JAK1: variants seen among roughly 807,000 people sequenced by gnomAD.
JAK1 encodes tyrosine-protein kinase JAK1.
JAK1 carries 16 observed loss-of-function variants against 136.6 expected under a neutral mutation model. The observed-to-expected ratio is 0.12, with a 90% CI of 0.08 to 0.18. The LOEUF is 0.18. JAK1 is among the 10% of genes least tolerant of loss of function. JAK1 has a pLI of 1.00. For missense variants in JAK1, 859 were observed against 1,450.1 expected, an observed-to-expected ratio of 0.59 and a Z score of 6.62; for synonymous variants, 492 against 519.5, an observed-to-expected ratio of 0.95 and a Z score of 0.72.
chr1:65,026,057 T>C (rs976471464), intron 2 of JAK1, among the ~76,000 whole-genome samples: 2 of 152,132 alleles, frequency 1.3e-5, no homozygotes, highest in Non-Finnish European at 2.9e-5. Flanking sequence ...TCTAGAAATA[T>C]AAACCTGTAA....
intron 17 of JAK1, among the ~76,000 whole-genome samples, chr1:64,843,330 G>T (rs1425349063): frequency 6.6e-6 from 1 of 152,204 alleles, no homozygotes; most frequent in African/African-American, 2.4e-5. Flanking sequence ...CAGTCACTGA[G>T]ATGAAGGGAC....
intron 1 of JAK1, among the ~76,000 whole-genome samples, chr1:64,962,092 T>C (rs1400889746): frequency 6.6e-6 from 1 of 152,226 alleles, no homozygotes; most frequent in East Asian, 1.9e-4. Flanking sequence ...CTCTTTTACA[T>C]GCATATAGTC....
intron 20 of JAK1, 161 bp downstream of exon 20, chr1:64,839,442 G>T: frequency 1.7e-6 from 1 of 600,772 alleles, no homozygotes. Flanking sequence ...AGCTGCTGAG[G>T]GATTTGACAT....
At chr1:64,896,976 T>C (rs1284130580) in intron 1 of JAK1, among the ~76,000 whole-genome samples, 4 of 152,166 alleles carry the variant, frequency 2.6e-5, no homozygotes, top group Non-Finnish European at 5.9e-5. Context: ...TTTTAAACTC[T>C]TGGAAAAATA....
intron 2 of JAK1, among the ~76,000 whole-genome samples, chr1:64,975,641 TG>T (rs1391712953): frequency 6.6e-6 from 1 of 152,242 alleles, no homozygotes; most frequent in African/African-American, 2.4e-5. Flanking sequence ...CAAGTCCTGA[TG>T]TTTTTTTGAG....
chr1:65,050,799 T>C (rs1288048103), intron 1 of JAK1, among the ~76,000 whole-genome samples: 1 of 152,186 alleles, frequency 6.6e-6, no homozygotes, highest in African/African-American at 2.4e-5. Flanking sequence ...ATCAACATAA[T>C]ATTAACTTCT....
chr1:65,041,766 C>T (rs1483807305), intron 2 of JAK1, among the ~76,000 whole-genome samples: 5 of 152,154 alleles, frequency 3.3e-5, no homozygotes, highest in African/African-American at 1.2e-4. Flanking sequence ...GGGCTGGGCA[C>T]GGTGGCTCAC....
chr1:64,910,198 C>T (rs1557683503), intron 1 of JAK1, among the ~76,000 whole-genome samples: 1 of 152,076 alleles, frequency 6.6e-6, no homozygotes, highest in Non-Finnish European at 1.5e-5. Flanking sequence ...AACAGAAATA[C>T]GTATTTTTAA....
intron 1 of JAK1, among the ~76,000 whole-genome samples, chr1:64,921,532 AG>A (rs1645494083): frequency 6.6e-6 from 1 of 152,140 alleles, no homozygotes; most frequent in Non-Finnish European, 1.5e-5. Context: ...ATCATTTTAC[AG>A]ATAAAGAAAC....
chr1:64,986,113 T>G, intron 2 of JAK1: 1 of 818,892 alleles, frequency 1.2e-6, no homozygotes, highest in South Asian at 1.5e-5. Context: ...CTAATTGTTT[T>G]TTTTTTTTTT....
At chr1:65,011,229 A>C (rs1368822047) in intron 2 of JAK1, among the ~76,000 whole-genome samples, 1 of 152,138 alleles carries the variant, frequency 6.6e-6, no homozygotes, top group East Asian at 1.9e-4. Context: ...TAATCTCAGC[A>C]CTTTAGCAGG....
At chr1:65,038,932 C>CCAGTCTTGT (rs1647102556) in intron 2 of JAK1, among the ~76,000 whole-genome samples, 1 of 118,096 alleles carries the variant, frequency 8.5e-6, no homozygotes, top group Non-Finnish European at 1.8e-5. Flanking sequence ...GCCACCGCAC[C>CCAGTCTTGT]CAGTCTTGTG....
chr1:64,891,578 C>T (rs1327806951), intron 1 of JAK1, among the ~76,000 whole-genome samples: 2 of 152,076 alleles, frequency 1.3e-5, no homozygotes, highest in East Asian at 3.9e-4. Context: ...TCCTAACAGC[C>T]TAACCTACAC....
chr1:64,920,861 G>A (rs1299826458), intron 1 of JAK1, among the ~76,000 whole-genome samples: 1 of 152,164 alleles, frequency 6.6e-6, no homozygotes, highest in Non-Finnish European at 1.5e-5. Context: ...TAAGTATCAA[G>A]GCAGTACACA....
rs34009555 is a variant in JAK1, at chr1:65,013,095, CA to C, written c.-78+31384del. Among the ~76,000 whole-genome samples the C allele has an allele frequency of 6.4e-3, 287 of 44,920 alleles. 1 individual carries two copies. The highest frequency in any genetic ancestry group is 0.02 in the African/African-American group (232 of 11,690). The allele number at this position is 44,920 out of a possible 152,430, so 29.5% of individuals were successfully genotyped here. ...TGGGTGACAGAGCAACACTCCGTCT[CA>C]AAAAAAAAAAAAAAAAAAGGCCGGT... On this transcript the variant is annotated intron_variant, in intron 2 of 25. Coordinates refer to the JAK1 transcript ENST00000671954.
At chr1:64,998,731 A>G (rs1052015461) in intron 2 of JAK1, among the ~76,000 whole-genome samples, 10 of 152,120 alleles carry the variant, frequency 6.6e-5, no homozygotes, top group Non-Finnish European at 1.2e-4. Flanking sequence ...GATGGTTTTA[A>G]AAATGGGAGT....
intron 1 of JAK1, among the ~76,000 whole-genome samples, chr1:64,895,916 C>T (rs1645006876): frequency 1.3e-5 from 2 of 152,178 alleles, no homozygotes; most frequent in Non-Finnish European, 2.9e-5. Context: ...GTGTACCTTG[C>T]AACTGTGCAA....
chr1:64,983,650 G>A (rs1452239834), intron 2 of JAK1, among the ~76,000 whole-genome samples: 2 of 152,274 alleles, frequency 1.3e-5, no homozygotes, highest in African/African-American at 4.8e-5. Flanking sequence ...TCTACTACAA[G>A]GGGAAGGAGT....
At position 64,966,532 on chromosome 1, in the gene JAK1, G is replaced by C. The variant is rs1308662108; in HGVS notation, c.-277C>G. On this transcript the variant is annotated 5_prime_UTR_variant, in exon 1 of 25. Transcript: ENST00000342505. ...TCCAGGATACTCCGCGGCCGCCGCG[G>C]CCTGCGCTCAGCGACGCACCGCCTC... is the stretch of plus-strand genomic sequence containing the variant. The C allele has an allele frequency of 6.7e-6, 1 of 150,076 alleles. No homozygotes were observed. Among genetic ancestry groups the C allele is most frequent in the South Asian group, 2.0e-4 (1 of 4,900 alleles). The allele number at this position is 150,076 out of a possible 1,614,324, so 9.3% of individuals were successfully genotyped here. A position where few individuals can be genotyped will look rare whatever the true frequency, so the allele number is the denominator to read the frequency against.
Sources: allele counts gnomAD v4.1 joint callset (sites outside exome capture counted in the v4.1 genomes callset), GRCh38; gene constraint gnomAD v4.1.1; transcripts MANE v1.5; gene names NCBI Gene and HGNC (gene_info 2026-07-23, HGNC 2026-07-21).